Variants in PLEKHM3 observed in about 807,000 individuals in gnomAD.
PLEKHM3 encodes the protein pleckstrin homology domain containing M3, also known as pleckstrin homology domain-containing family M member 3.
Under a neutral mutation model 81.8 loss-of-function variants are expected in PLEKHM3, and 45 were observed. The ratio of observed to expected loss-of-function variants is 0.55; its 90% CI spans 0.43 to 0.71. The LOEUF (loss-of-function observed/expected upper bound fraction) is 0.71, where lower values mean the gene tolerates loss of function less well. Among genes scored for constraint, PLEKHM3 ranks in the 30% least tolerant of loss-of-function variants. The probability of loss-of-function intolerance (pLI) is 0.00; values close to 1 mark genes in which losing one functional copy is unlikely to be tolerated. For missense variants in PLEKHM3, 788 were observed against 924.3 expected, an observed-to-expected ratio of 0.85 and a Z score of 1.91; for synonymous variants, 352 against 356.4, an observed-to-expected ratio of 0.99 and a Z score of 0.14.
At chr2:208,016,526 G>T (rs967968979) in intron 1 of PLEKHM3, among the ~76,000 whole-genome samples, 1 of 151,504 alleles carries the variant, frequency 6.6e-6, no homozygotes, top group Non-Finnish European at 1.5e-5. Context: ...GCGCATGGCT[G>T]TGGTCCCAGC....
At chr2:207,885,444 T>C (rs890603647) in intron 6 of PLEKHM3, among the ~76,000 whole-genome samples, 2 of 152,234 alleles carry the variant, frequency 1.3e-5, no homozygotes, top group Non-Finnish European at 2.9e-5. Context: ...AAATGATGTC[T>C]TTCTAGACCA....
At chr2:207,952,499 T>C (rs1018887016) in intron 3 of PLEKHM3, among the ~76,000 whole-genome samples, 1 of 152,256 alleles carries the variant, frequency 6.6e-6, no homozygotes, top group Non-Finnish European at 1.5e-5. Context: ...TTAGCTTTCC[T>C]AGCTTATAGT....
chr2:207,902,780 G>A (rs1688474379), intron 6 of PLEKHM3, among the ~76,000 whole-genome samples: 1 of 151,848 alleles, frequency 6.6e-6, no homozygotes, highest in Non-Finnish European at 1.5e-5. Context: ...GATAGTATAT[G>A]TATGAACATA....
At chr2:207,830,991 T>C (rs1162204063) in intron 7 of PLEKHM3, among the ~76,000 whole-genome samples, 1 of 152,206 alleles carries the variant, frequency 6.6e-6, no homozygotes, top group Non-Finnish European at 1.5e-5. Flanking sequence ...TTCCTGCACT[T>C]CAGTGTCCTT....
At chr2:207,926,113 G>A (rs1209652942) in intron 5 of PLEKHM3, among the ~76,000 whole-genome samples, 1 of 152,148 alleles carries the variant, frequency 6.6e-6, no homozygotes. Flanking sequence ...TATATGCCAA[G>A]TGGCACTGGG....
chr2:207,849,129 T>A (rs1425027921), intron 7 of PLEKHM3, among the ~76,000 whole-genome samples: 1 of 151,396 alleles, frequency 6.6e-6, no homozygotes, highest in Non-Finnish European at 1.5e-5. Flanking sequence ...AGGCCAGGAG[T>A]TCGAGACCAG....
chr2:207,873,043 C>CT, intron 6 of PLEKHM3, among the ~76,000 whole-genome samples: 1 of 151,712 alleles, frequency 6.6e-6, no homozygotes, highest in South Asian at 2.1e-4. Flanking sequence ...GGGAATGAAC[C>CT]ATAAGAGTTA....
At chr2:207,924,263 AC>A (rs1689310529) in intron 5 of PLEKHM3, among the ~76,000 whole-genome samples, 2 of 152,124 alleles carry the variant, frequency 1.3e-5, no homozygotes, top group Non-Finnish European at 2.9e-5. Flanking sequence ...GATGTCCAGT[AC>A]GCAGCTGGAC....
At position 207,931,022 on chromosome 2, in the gene PLEKHM3, G is replaced by C; in HGVS notation, c.1790C>G (p.Pro597Arg). The change falls in exon 5 of 8, where the codon CCG (proline) becomes CGG (arginine). Residue 597 changes from proline to arginine, a missense_variant. Pro to Arg is a moderately radical substitution (Grantham distance 103). Coordinates refer to ENST00000427836, the MANE Select transcript of PLEKHM3 (RefSeq NM_001080475.3). Reference sequence around the variant, plus strand: ...CCGCAGCCGCAGCACGGCGGCCAGCGGCTCTGCGTGGTGGTACAGCATGGC... The same window carrying C: ...CCGCAGCCGCAGCACGGCGGCCAGCCGCTCTGCGTGGTGGTACAGCATGGC... ...ENAMLYHHAE[P>R]LAAVLRLRQR... 6.2e-7 allele frequency: 1 copy of C among 1,614,034 alleles called. No individual in the cohort carries two copies. The highest frequency in any genetic ancestry group is 8.5e-7 in the Non-Finnish European group (1 of 1,179,900).
intron 3 of PLEKHM3, among the ~76,000 whole-genome samples, chr2:207,956,718 AT>A (rs1170073686): frequency 8.1e-4 from 56 of 69,140 alleles, no homozygotes; most frequent in Non-Finnish European, 9.1e-4. Flanking sequence ...GCTGATTAAA[AT>A]TTTTTTTTTT....
At chr2:207,990,450 CTT>C (rs899562875) in intron 2 of PLEKHM3, among the ~76,000 whole-genome samples, 17 of 152,212 alleles carry the variant, frequency 1.1e-4, no homozygotes, top group African/African-American at 3.6e-4. Context: ...AATCATCACT[CTT>C]TTCTTTGCAT....
chr2:207,985,979 C>A, intron 2 of PLEKHM3, among the ~76,000 whole-genome samples: 1 of 116,342 alleles, frequency 8.6e-6, no homozygotes, highest in African/African-American at 2.9e-5. Flanking sequence ...CAGAGCGAGA[C>A]TCCGTCTCAA....
intron 2 of PLEKHM3, among the ~76,000 whole-genome samples, chr2:207,997,509 T>A (rs895477904): frequency 6.6e-6 from 1 of 152,108 alleles, no homozygotes; most frequent in Non-Finnish European, 1.5e-5. Flanking sequence ...GGAGAAAACA[T>A]AACCATGCAG....
At chr2:207,931,843 C>T (rs1689609493) in intron 4 of PLEKHM3, among the ~76,000 whole-genome samples, 3 of 152,170 alleles carry the variant, frequency 2.0e-5, no homozygotes, top group Admixed American at 2.0e-4. Context: ...CGTGGTGGCA[C>T]ATGCCTGTAA....
chr2:207,881,343 C>T (rs1311509414), intron 6 of PLEKHM3, among the ~76,000 whole-genome samples: 1 of 152,164 alleles, frequency 6.6e-6, no homozygotes, highest in Non-Finnish European at 1.5e-5. Flanking sequence ...GGATGTGTAA[C>T]ATTAGATAAT....
intron 6 of PLEKHM3, among the ~76,000 whole-genome samples, chr2:207,898,143 A>C (rs1024157623): frequency 6.6e-6 from 1 of 152,234 alleles, no homozygotes; most frequent in Non-Finnish European, 1.5e-5. Flanking sequence ...GTTTGACGGA[A>C]CAAAAGCAGG....
intron 3 of PLEKHM3, among the ~76,000 whole-genome samples, chr2:207,954,888 C>T (rs898098397): frequency 6.6e-6 from 1 of 152,042 alleles, no homozygotes; most frequent in African/African-American, 2.4e-5. Context: ...GATTATAAAT[C>T]GTGTGAAATA....
At chr2:207,930,381 A>G (rs1467071056) in intron 5 of PLEKHM3, among the ~76,000 whole-genome samples, 1 of 152,118 alleles carries the variant, frequency 6.6e-6, no homozygotes, top group East Asian at 1.9e-4. Flanking sequence ...CAGGATTTTT[A>G]AGACCAGCCT....
intron 7 of PLEKHM3, chr2:207,852,679 A>G: frequency 2.6e-6 from 1 of 387,498 alleles, no homozygotes; most frequent in Non-Finnish European, 5.0e-6. Flanking sequence ...GGAACAACAG[A>G]CACTGGGTAC....
Sources: allele counts gnomAD v4.1 joint callset (sites outside exome capture counted in the v4.1 genomes callset), GRCh38; gene constraint gnomAD v4.1.1; transcripts MANE v1.5; gene names NCBI Gene and HGNC (gene_info 2026-07-23, HGNC 2026-07-21).